Variants in SLC16A2 observed in about 807,000 individuals in gnomAD.
SLC16A2 encodes the protein monocarboxylate transporter 8.
Under a neutral mutation model 27.2 loss-of-function variants are expected in SLC16A2, and 3 were observed. That is an observed-to-expected ratio of 0.11 (90% confidence interval 0.05 to 0.28). The LOEUF (loss-of-function observed/expected upper bound fraction) is 0.28, where lower values mean the gene tolerates loss of function less well. SLC16A2 is among the 10% of genes least tolerant of loss of function. The pLI, the probability that SLC16A2 is intolerant of heterozygous loss-of-function variation, is 1.00. For synonymous variants in SLC16A2, 202 were observed against 187.8 expected, an observed-to-expected ratio of 1.08 and a Z score of -0.62; for missense variants, 295 against 458.5, an observed-to-expected ratio of 0.64 and a Z score of 3.26.
chrX:74,485,693 A>G lies in SLC16A2; in HGVS notation c.431-35297A>G, dbSNP rs781615305. On this transcript the variant is annotated intron_variant, in intron 1 of 5. Transcript: ENST00000587091. ...ATAGCTCTATTAGAAGCCATGGGTC[A>G]CAGAAGAGAACCGTGGAACCCAGCG... Among the ~76,000 whole-genome samples, 275 of 111,328 alleles carry G rather than the reference A, an allele frequency of 2.5e-3. 2 individuals are homozygous for G. The highest frequency in any genetic ancestry group is 0.018 in the Middle Eastern group (4 of 218).
At chrX:74,496,037 G>C (rs768052933) in intron 1 of SLC16A2, among the ~76,000 whole-genome samples, 223 of 111,024 alleles carry the variant, frequency 2.0e-3, no homozygotes, top group Middle Eastern at 4.6e-3. Context: ...GAGCCCAACT[G>C]CCCGGTCTTC....
At chrX:74,459,215 G>A (rs1252050255) in intron 1 of SLC16A2, among the ~76,000 whole-genome samples, 3 of 544 alleles carry the variant, frequency 5.5e-3, no homozygotes, top group African/African-American at 0.019. Context: ...TTAGCAGGGT[G>A]TGGTGGTCCT....
intron 1 of SLC16A2, among the ~76,000 whole-genome samples, chrX:74,516,645 G>C (rs1857979137): frequency 9.0e-6 from 1 of 111,418 alleles, no homozygotes; most frequent in African/African-American, 3.3e-5. Flanking sequence ...ACACTTTAAA[G>C]CACAATAAAT....
chrX:74,508,034 T>C (rs957234296), intron 1 of SLC16A2, among the ~76,000 whole-genome samples: 2 of 112,069 alleles, frequency 1.8e-5, no homozygotes, highest in Non-Finnish European at 3.8e-5. Flanking sequence ...CTGGGTCATA[T>C]AGTAGTTCTA....
Position 74,525,740 on chromosome X carries a change from T to C in SLC16A2, c.1027-10T>C. 1 of 1,211,733 alleles carries C rather than the reference T, an allele frequency of 8.3e-7. No individual in the cohort carries two copies. The highest frequency in any genetic ancestry group is 1.1e-6 in the Non-Finnish European group (1 of 895,411). On this transcript the variant is annotated splice_polypyrimidine_tract_variant and intron_variant, in intron 3 of 5. Coordinates refer to ENST00000587091, the MANE Select transcript of SLC16A2 (RefSeq NM_006517.5). Reference sequence around the variant, plus strand: ...CCTGTTTCTGGGGATCCTTGTGCTATGCTTTTCAGATGAAGTATGTGGAGG... The same window carrying C: ...CCTGTTTCTGGGGATCCTTGTGCTACGCTTTTCAGATGAAGTATGTGGAGG...
chrX:74,517,169 G>T (rs1311519699), intron 1 of SLC16A2, among the ~76,000 whole-genome samples: 1 of 112,095 alleles, frequency 8.9e-6, no homozygotes, highest in Non-Finnish European at 1.9e-5. Flanking sequence ...TTCTGGTTTT[G>T]ATATCATGTT....
intron 1 of SLC16A2, among the ~76,000 whole-genome samples, chrX:74,427,021 A>G (rs755631533): frequency 8.0e-5 from 9 of 112,089 alleles, no homozygotes; most frequent in Non-Finnish European, 1.3e-4. Context: ...CTGGGTCTCC[A>G]AGAGAACTCC....
At chrX:74,465,492 CTT>C (rs1929235224) in intron 1 of SLC16A2, among the ~76,000 whole-genome samples, 1 of 111,390 alleles carries the variant, frequency 9.0e-6, no homozygotes, top group Admixed American at 9.6e-5. Flanking sequence ...CCTTCAGACT[CTT>C]TCCCTGAGCC....
At chrX:74,486,040 G>A (rs1292634426) in intron 1 of SLC16A2, among the ~76,000 whole-genome samples, 2 of 112,075 alleles carry the variant, frequency 1.8e-5, no homozygotes, top group African/African-American at 3.2e-5. Flanking sequence ...CTCCCAGCTC[G>A]AATGCCTGGG....
intron 1 of SLC16A2, among the ~76,000 whole-genome samples, chrX:74,455,832 A>T (rs777253122): frequency 9.0e-6 from 1 of 111,719 alleles, no homozygotes; most frequent in African/African-American, 3.3e-5. Context: ...CAAAATACCT[A>T]TTCACAAAGT....
intron 1 of SLC16A2, among the ~76,000 whole-genome samples, chrX:74,427,812 C>CAG (rs1491430079): frequency 6.6e-5 from 2 of 30,525 alleles, no homozygotes; most frequent in African/African-American, 3.3e-4. Flanking sequence ...CACGCGCGCG[C>CAG]ACACACACAC....
At chrX:74,530,066 G>T (rs1248789515) in intron 5 of SLC16A2, among the ~76,000 whole-genome samples, 5 of 103,309 alleles carry the variant, frequency 4.8e-5, no homozygotes, top group African/African-American at 1.4e-4. Context: ...AATGACAAGA[G>T]AACTCCAATT....
At chrX:74,462,636 C>T (rs1175051364) in intron 1 of SLC16A2, among the ~76,000 whole-genome samples, 1 of 111,304 alleles carries the variant, frequency 9.0e-6, no homozygotes, top group Admixed American at 9.6e-5. Context: ...GTTCTTAACC[C>T]AGCATCTCAC....
intron 1 of SLC16A2, among the ~76,000 whole-genome samples, chrX:74,427,824 C>G (rs1418128351): frequency 9.1e-6 from 1 of 109,871 alleles, no homozygotes; most frequent in Non-Finnish European, 1.9e-5. Flanking sequence ...CACACACACA[C>G]ACACACACAC....
chrX:74,517,177 G>A (rs762791333), intron 1 of SLC16A2, among the ~76,000 whole-genome samples: 3 of 112,195 alleles, frequency 2.7e-5, no homozygotes, highest in Non-Finnish European at 5.6e-5. Context: ...TTGATATCAT[G>A]TTATAGTTAC....
At chrX:74,459,292 A>G (rs1929094448) in intron 1 of SLC16A2, among the ~76,000 whole-genome samples, 1 of 103,325 alleles carries the variant, frequency 9.7e-6, no homozygotes, top group Non-Finnish European at 1.9e-5. Flanking sequence ...GGTGAGCGGT[A>G]TCCTGGGAAG....
chrX:74,530,291 G>A (rs986713511), intron 5 of SLC16A2, among the ~76,000 whole-genome samples: 4 of 109,081 alleles, frequency 3.7e-5, no homozygotes, highest in Non-Finnish European at 5.7e-5. Context: ...TAGTAGAGAC[G>A]GGGTTTCACT....
chrX:74,480,481 C>T lies in SLC16A2; in HGVS notation c.431-40509C>T, dbSNP rs532050470. Among the ~76,000 whole-genome samples, 8 of 112,277 alleles carry T rather than the reference C, an allele frequency of 7.1e-5. No individual in the cohort carries two copies. In the East Asian group the frequency reaches 2.3e-3, roughly 32 times the overall value. On this transcript the variant is annotated intron_variant, in intron 1 of 5. Coordinates refer to ENST00000587091, the MANE Select transcript of SLC16A2 (RefSeq NM_006517.5). ...TTTGGCTCAGGCTCAGTGCACTGCA[C>T]CCACTGTCCTGCACCCACTGTCTGA...
intron 1 of SLC16A2, among the ~76,000 whole-genome samples, chrX:74,456,460 C>A (rs758472940): frequency 1.3e-4 from 15 of 111,402 alleles, no homozygotes; most frequent in Non-Finnish European, 2.1e-4. Context: ...TACAGACACA[C>A]TTGAGCTGTC....
Sources: allele counts gnomAD v4.1 joint callset (sites outside exome capture counted in the v4.1 genomes callset), GRCh38; gene constraint gnomAD v4.1.1; transcripts MANE v1.5; gene names NCBI Gene and HGNC (gene_info 2026-07-23, HGNC 2026-07-21).